SIGLEC6: variants seen among roughly 807,000 people sequenced by gnomAD.
SIGLEC6 encodes the protein sialic acid-binding Ig-like lectin 6.
In SIGLEC6, 31 loss-of-function variants were observed where a neutral mutation model predicts 41.4. The ratio of observed to expected loss-of-function variants is 0.75; its 90% CI spans 0.56 to 1.01. SIGLEC6 has a LOEUF of 1.01. Among genes scored for constraint, SIGLEC6 ranks in the 50% least tolerant of loss-of-function variants. The pLI, the probability that SIGLEC6 is intolerant of heterozygous loss-of-function variation, is 0.00. For synonymous variants in SIGLEC6, 217 were observed against 231.0 expected (o/e 0.94, Z 0.55); for missense variants, 555 against 558.6 (o/e 0.99, Z 0.06).
rs182042152 is a variant in SIGLEC6, at chr19:51,531,094, G to A, written c.427+66C>T. 473 of 1,552,094 alleles carry A rather than the reference G, an allele frequency of 3.0e-4. No individual in the cohort carries two copies. The African/African-American group carries it at 5.4e-3, about 18-fold the overall frequency. Reference sequence around the variant, plus strand: ...ACCCGCCTCCCAAGACGGGGCTCCCGTCCCAGCCCTGCCCTACGGCCCCCA... The same window carrying A: ...ACCCGCCTCCCAAGACGGGGCTCCCATCCCAGCCCTGCCCTACGGCCCCCA... On this transcript the variant is annotated intron_variant, in intron 2 of 7. Coordinates refer to ENST00000425629, the MANE Select transcript of SIGLEC6 (RefSeq NM_001245.7).
Position 51,531,467 on chromosome 19 carries a change from C to G in SIGLEC6, c.120G>C (p.Thr40=), listed in dbSNP as rs757006070. 6.8e-6 allele frequency: 11 copies of G among 1,613,910 alleles called. No individual in the cohort carries two copies. Among genetic ancestry groups the G allele is most frequent in the South Asian group, 3.3e-5 (3 of 91,084 alleles). ...CGAGGACGCACAGACCCTCCTGCAC[C>G]GTCAGTGACTCTGGCCCCTCCAGCT... is the stretch of plus-strand genomic sequence containing the variant. ...RFQLEGPESL[T]VQEGLCVLVP... Residue 40 remains threonine, a synonymous_variant, in exon 2 of 8, where the codon ACG becomes ACC. Transcript: ENST00000425629.
chr19:51,529,982 CT>C lies in SIGLEC6; in HGVS notation c.755-2del. 1 of 1,583,834 alleles carries C rather than the reference CT, an allele frequency of 6.3e-7. No individual in the cohort carries two copies. Among genetic ancestry groups the C allele is most frequent in the Non-Finnish European group, 8.6e-7 (1 of 1,164,490 alleles). ...GAGGTGTTTTGCAGGATTTTGAAGG[CT>C]TTGGGGAGAGAGGTGTAGAGAGTTA... is the stretch of plus-strand genomic sequence containing the variant. On this transcript the variant is annotated splice_acceptor_variant, in intron 4 of 7. Coordinates refer to ENST00000425629, the MANE Select transcript of SIGLEC6 (RefSeq NM_001245.7). LOFTEE classifies it high-confidence loss of function.
intron 7 of SIGLEC6, among the ~76,000 whole-genome samples, chr19:51,520,569 G>A (rs1302597392): frequency 2.5e-5 from 3 of 121,128 alleles, no homozygotes; most frequent in Non-Finnish European, 3.4e-5. Flanking sequence ...TAGAGATGGA[G>A]TTCTACTATG....
intron 2 of SIGLEC6, 82 bp from the exon 3 acceptor site, chr19:51,531,041 C>T: frequency 2.5e-6 from 4 of 1,576,328 alleles, no homozygotes; most frequent in Non-Finnish European, 3.4e-6. Context: ...GGTCCAGCTC[C>T]TTCTCTGAGC....
In SIGLEC6 at chr19:51,519,861, A is replaced by C. The variant is rs76154766; in HGVS notation, c.*221T>G. 8,117 of 314,672 alleles carry C rather than the reference A, an allele frequency of 0.026. 168 individuals carry two copies. The highest frequency in any genetic ancestry group is 0.058 in the Middle Eastern group (75 of 1,294). 19.5% of individuals were successfully genotyped at this position (314,672 alleles called of 1,614,324 possible). On this transcript the variant is annotated 3_prime_UTR_variant, in exon 8 of 8. Transcript: ENST00000425629. ...CAGAGGAAAGACCATGTGAAGACAC[A>C]AGGAGGAGACAGCCATCTACAAGCC...
At chr19:51,528,031 C>T (rs1979526996) in intron 6 of SIGLEC6, 129 bp downstream of exon 6, 1 of 928,144 alleles carries the variant, frequency 1.1e-6, no homozygotes, top group Non-Finnish European at 1.7e-6. Flanking sequence ...ACCACCACTA[C>T]CCTCCCTTTC....
intron 7 of SIGLEC6, among the ~76,000 whole-genome samples, chr19:51,522,037 G>A (rs186320303): frequency 1.4e-4 from 22 of 152,318 alleles, no homozygotes; most frequent in Non-Finnish European, 2.8e-4. Flanking sequence ...GTAGAGCAGA[G>A]TACAGAGAGA....
rs529065980 is a variant in SIGLEC6 at position 51,519,253 on chromosome 19, C to A, written c.*829G>T. Reference sequence around the variant, plus strand: ...AAGCTTGCACTGAGCCAAGATCGCACCACTGCACTCCAGCCTGGGAGATAC... The same window carrying A: ...AAGCTTGCACTGAGCCAAGATCGCAACACTGCACTCCAGCCTGGGAGATAC... On this transcript the variant is annotated 3_prime_UTR_variant, in exon 8 of 8. Transcript: ENST00000425629. Among the ~76,000 whole-genome samples the A allele has an allele frequency of 3.3e-4, 47 of 143,610 alleles. No homozygotes were observed. Among genetic ancestry groups the A allele is most frequent in the African/African-American group, 1.1e-3 (40 of 38,034 alleles). 94.2% of individuals were successfully genotyped at this position (143,610 alleles called of 152,430 possible).
chr19:51,530,140 C>T (rs1271066203), intron 4 of SIGLEC6, among the ~76,000 whole-genome samples, 159 bp from the exon 5 acceptor site: 1 of 152,170 alleles, frequency 6.6e-6, no homozygotes, highest in Non-Finnish European at 1.5e-5. Flanking sequence ...CTGGAGCTGC[C>T]CAGGCTGTCC....
chr19:51,519,906 G>T lies in SIGLEC6; in HGVS notation c.*176C>A. On this transcript the variant is annotated 3_prime_UTR_variant, in exon 8 of 8. Transcript: ENST00000425629. The stretch of plus-strand genomic sequence containing the variant: ...CAAGCCAACAAGAGAGGCCTTAGAA[G>T]GGACCAACCCTGATAACACCTTGTT... 1 of 454,104 alleles carries T rather than the reference G, an allele frequency of 2.2e-6. No individual in the cohort carries two copies. Among genetic ancestry groups the T allele is most frequent in the Non-Finnish European group, 3.7e-6 (1 of 268,792 alleles). The allele number at this position is 454,104 out of a possible 1,614,324, so 28.1% of individuals were successfully genotyped here. A position where few individuals can be genotyped will look rare whatever the true frequency, so the allele number is the denominator to read the frequency against.
chr19:51,523,684 C>T (rs933052513), intron 7 of SIGLEC6, among the ~76,000 whole-genome samples: 4 of 152,198 alleles, frequency 2.6e-5, no homozygotes, highest in African/African-American at 9.7e-5. Context: ...GCCCAGTAAA[C>T]ACCTCAAACC....
rs918995405 is a variant in SIGLEC6, at chr19:51,518,884, T to A, written c.*1198A>T. Among the ~76,000 whole-genome samples, 5 of 152,058 alleles carry A rather than the reference T, an allele frequency of 3.3e-5. No individual in the cohort carries two copies. Among genetic ancestry groups the A allele is most frequent in the Admixed American group, 3.3e-4 (5 of 15,254 alleles). On this transcript the variant is annotated 3_prime_UTR_variant, in exon 8 of 8. Coordinates refer to ENST00000425629, the MANE Select transcript of SIGLEC6 (RefSeq NM_001245.7). ...AGAAAGATGATGGATGGAAACCTTA[T>A]TTTGGGGAGTCGTGAAGAGTTCTGA...
intron 5 of SIGLEC6, 82 bp from the exon 6 acceptor site, chr19:51,528,335 T>C (rs978085263): frequency 9.2e-5 from 106 of 1,153,986 alleles, no homozygotes; most frequent in Non-Finnish European, 1.3e-4. Flanking sequence ...CTTCCACTAA[T>C]GTGACCACCC....
In SIGLEC6 at chr19:51,531,345, G is replaced by T. The variant is rs1195872316; in HGVS notation, c.242C>A (p.Pro81Gln). 6.2e-7 allele frequency: 1 copy of T among 1,614,016 alleles called. No individual in the cohort carries two copies. The highest frequency in any genetic ancestry group is 1.3e-5 in the African/African-American group (1 of 74,914). The part of the protein sequence containing the change: ...GADVPVATND[P>Q]DEEVQEETRG... ...GGTCTCCTCCTGCACTTCTTCGTCT[G>T]GGTCGTTTGTGGCCACTGGAACATC... Residue 81 changes from proline to glutamine, a missense_variant, in exon 2 of 8, where the codon CCA becomes CAA. Physicochemically the swap from Pro to Gln is moderately conservative, Grantham distance 76. Coordinates refer to ENST00000425629, the MANE Select transcript of SIGLEC6 (RefSeq NM_001245.7).
chr19:51,525,859 G>A (rs1979138112), intron 7 of SIGLEC6, among the ~76,000 whole-genome samples: 1 of 152,136 alleles, frequency 6.6e-6, no homozygotes, highest in Non-Finnish European at 1.5e-5. Context: ...AGAGCAGCTG[G>A]CAGCCCCTCT....
chr19:51,520,318 G>A (rs995829944), intron 7 of SIGLEC6, 63 bp from the exon 8 acceptor site: 2 of 1,184,434 alleles, frequency 1.7e-6, no homozygotes, highest in Non-Finnish European at 2.3e-6. Context: ...AGCAGCCAAG[G>A]ATCAGAAAGG....
At chr19:51,520,736 A>G (rs1990863307) in intron 7 of SIGLEC6, among the ~76,000 whole-genome samples, 1 of 152,174 alleles carries the variant, frequency 6.6e-6, no homozygotes, top group South Asian at 2.1e-4. Flanking sequence ...GAGTGTTTAC[A>G]TTAATCAGTC....
intron 5 of SIGLEC6, 131 bp from the exon 6 acceptor site, chr19:51,528,384 T>C: frequency 1.3e-6 from 1 of 749,116 alleles, no homozygotes. Context: ...CACTGCCCTG[T>C]GAACCCGGAA....
chr19:51,525,862 G>T (rs1979139591), intron 7 of SIGLEC6, among the ~76,000 whole-genome samples: 1 of 152,144 alleles, frequency 6.6e-6, no homozygotes. Flanking sequence ...GCAGCTGGCA[G>T]CCCCTCTGCC....
Sources: gnomAD v4.1 joint callset for allele counts (sites outside exome capture counted in the v4.1 genomes callset) on GRCh38, gnomAD v4.1.1 for gene constraint, MANE v1.5 for transcripts, NCBI Gene and HGNC (gene_info 2026-07-23, HGNC 2026-07-21) for gene names.